The following FRMPD2 variants were observed in gnomAD, a reference collection of about 807,000 sequenced individuals.
FRMPD2 encodes the protein FERM and PDZ domain-containing protein 2.
Under a neutral mutation model 140.1 loss-of-function variants are expected in FRMPD2, and 96 were observed. The observed-to-expected ratio is 0.69, with a 90% CI of 0.58 to 0.81. The LOEUF (loss-of-function observed/expected upper bound fraction) is 0.81. Among genes scored for constraint, FRMPD2 ranks in the 40% least tolerant of loss-of-function variants. The pLI, the probability that FRMPD2 is intolerant of heterozygous loss-of-function variation, is 0.00. For missense variants in FRMPD2, 1,240 were observed against 1,447.4 expected (o/e 0.86, Z 2.32); for synonymous variants, 449 against 547.6 (o/e 0.82, Z 2.52).
At chr10:48,273,623 T>A (rs61840510) in intron 1 of FRMPD2, among the ~76,000 whole-genome samples, 4,912 of 152,154 alleles carry the variant, frequency 0.032, 92 homozygotes, top group Non-Finnish European at 0.041. Flanking sequence ...CCGTGCCACC[T>A]CCATTTCGGC....
chr10:48,199,363 T>C (rs1839028538), intron 15 of FRMPD2, among the ~76,000 whole-genome samples: 1 of 152,100 alleles, frequency 6.6e-6, no homozygotes, highest in Non-Finnish European at 1.5e-5. Context: ...TTTTTGAATT[T>C]AGAAGCACAG....
At chr10:48,173,766 A>G (rs1351078155) in intron 24 of FRMPD2, among the ~76,000 whole-genome samples, 1 of 151,842 alleles carries the variant, frequency 6.6e-6, no homozygotes, top group Non-Finnish European at 1.5e-5. Context: ...GATTTCCCAC[A>G]TTTCTCCCCA....
At chr10:48,220,443 T>G (rs568901772) in intron 12 of FRMPD2, among the ~76,000 whole-genome samples, 3 of 152,302 alleles carry the variant, frequency 2.0e-5, no homozygotes, top group Admixed American at 2.0e-4. Context: ...CAACTCAAGA[T>G]GGATCAAAGA....
At chr10:48,233,387 G>A (rs1276738346) in intron 9 of FRMPD2, among the ~76,000 whole-genome samples, 1 of 152,208 alleles carries the variant, frequency 6.6e-6, no homozygotes, top group Non-Finnish European at 1.5e-5. Flanking sequence ...TCCCAAGATG[G>A]TTCTGTCAGT....
rs750421128 is a variant in FRMPD2 at position 48,187,289 on chromosome 10, G to C, written c.2169C>G (p.Pro723=). The change falls in exon 17 of 29, where the codon CCC becomes CCG. Residue 723 remains proline, a synonymous_variant. Transcript: ENST00000374201. ...TCTTCAGCTGCTCCCGGCCAGTGCA[G>C]GGGCTGCCGGGAAAAGAAAATGAGG... The part of the protein sequence containing the change: ...EAGAEGIGRS[P]CTGREQLKSA... 2.5e-6 allele frequency: 4 copies of C among 1,613,834 alleles called. No homozygotes were observed. The highest frequency in any genetic ancestry group is 1.6e-4 in the Middle Eastern group (1 of 6,062).
At chr10:48,218,394 TA>T (rs1839502746) in intron 12 of FRMPD2, among the ~76,000 whole-genome samples, 1 of 152,174 alleles carries the variant, frequency 6.6e-6, no homozygotes, top group Non-Finnish European at 1.5e-5. Flanking sequence ...CTCTGACCAC[TA>T]AGTGCCCACT....
chr10:48,202,635 G>A (rs887312037), intron 14 of FRMPD2, among the ~76,000 whole-genome samples: 11 of 152,150 alleles, frequency 7.2e-5, no homozygotes, highest in South Asian at 6.2e-4. Context: ...TCCGCCAGTC[G>A]TAATAATTCT....
chr10:48,253,488 C>T (rs1196660567), intron 1 of FRMPD2, among the ~76,000 whole-genome samples: 1 of 152,078 alleles, frequency 6.6e-6, no homozygotes, highest in African/African-American at 2.4e-5. Flanking sequence ...GCCACACCAG[C>T]CTCAAACACT....
intron 14 of FRMPD2, among the ~76,000 whole-genome samples, chr10:48,201,806 C>T (rs1398446804): frequency 6.6e-6 from 1 of 152,060 alleles, no homozygotes; most frequent in Non-Finnish European, 1.5e-5. Flanking sequence ...ATAAAAACAC[C>T]TGTGTGTTAT....
chr10:48,193,405 C>T (rs1490320008), intron 15 of FRMPD2, among the ~76,000 whole-genome samples: 1 of 152,188 alleles, frequency 6.6e-6, no homozygotes, highest in Admixed American at 6.5e-5. Context: ...AATACAAGGT[C>T]CTATTTCCTG....
At chr10:48,164,785 C>T (rs1238584120) in intron 27 of FRMPD2, among the ~76,000 whole-genome samples, 3 of 129,052 alleles carry the variant, frequency 2.3e-5, no homozygotes, top group African/African-American at 9.2e-5. Flanking sequence ...CCTATCCTCT[C>T]CTTCTAGCTC....
intron 9 of FRMPD2, among the ~76,000 whole-genome samples, chr10:48,232,647 A>G (rs1292672457): frequency 6.6e-6 from 1 of 152,154 alleles, no homozygotes; most frequent in African/African-American, 2.4e-5. Context: ...CAGGGCCCTC[A>G]TCAATGAATC....
rs532256275 is a variant in FRMPD2, at chr10:48,249,063, C to T, written c.267G>A (p.Leu89=). The change falls in exon 3 of 29, where the codon CTG becomes CTA. Residue 89 remains leucine, a synonymous_variant. Transcript: ENST00000374201. ...IEAAPFKAPE[L]LQGQSEDEQP... ...GCTCATCCTCACTCTGTCCCTGTAG[C>T]AGTTCAGGGGCCTTGAAAGGAGCAG... 6.2e-7 allele frequency: 1 copy of T among 1,613,694 alleles called. No individual in the cohort carries two copies. The highest frequency in any genetic ancestry group is 2.2e-5 in the East Asian group (1 of 44,876).
intron 15 of FRMPD2, 46 bp from the exon 16 acceptor site, chr10:48,192,940 A>T: frequency 7.1e-7 from 1 of 1,407,138 alleles, no homozygotes; most frequent in Non-Finnish European, 1.0e-6. Context: ...CACAAGAATG[A>T]TGCTGGATCC....
At chr10:48,243,516 C>T (rs562761445) in intron 4 of FRMPD2, among the ~76,000 whole-genome samples, 1 of 152,184 alleles carries the variant, frequency 6.6e-6, no homozygotes, top group Non-Finnish European at 1.5e-5. Context: ...GAGCATTAAA[C>T]TAAGTGCAGG....
At chr10:48,261,158 C>A (rs1165957289) in intron 1 of FRMPD2, among the ~76,000 whole-genome samples, 3 of 151,878 alleles carry the variant, frequency 2.0e-5, no homozygotes, top group African/African-American at 4.8e-5. Context: ...AACTGTGGAA[C>A]AATTTCAAAA....
chr10:48,203,037 T>C (rs866608728), intron 14 of FRMPD2, among the ~76,000 whole-genome samples: 4 of 152,160 alleles, frequency 2.6e-5, no homozygotes, highest in Non-Finnish European at 5.9e-5. Flanking sequence ...TGGAGTTAAG[T>C]GATCCTCCTC....
At chr10:48,223,767 G>A (rs2131907128) in intron 10 of FRMPD2, among the ~76,000 whole-genome samples, 1 of 152,308 alleles carries the variant, frequency 6.6e-6, no homozygotes, top group Non-Finnish European at 1.5e-5. Flanking sequence ...GTGTTTAGGA[G>A]GTAACTATGT....
In FRMPD2 at chr10:48,242,336, T is replaced by C; in HGVS notation, c.392A>G (p.Glu131Gly). 6.2e-7 allele frequency: 1 copy of C among 1,613,236 alleles called. No individual in the cohort carries two copies. Among genetic ancestry groups the C allele is most frequent in the Non-Finnish European group, 8.5e-7 (1 of 1,179,494 alleles). The change falls in exon 5 of 29, where the codon GAG (glutamate) becomes GGG (glycine). Residue 131 changes from glutamate to glycine, a missense_variant. Coordinates refer to ENST00000374201, the MANE Select transcript of FRMPD2 (RefSeq NM_001018071.4). Reference protein sequence around the residue: ...VPPHQPLQLCEPLHSILLTMC... With the variant: ...VPPHQPLQLCGPLHSILLTMC... ...GGTCAGCAGGATGGAGTGCAGGGGC[T>C]CGCAGAGCTGCAGGGGCTGGAGGCA...
Sources: gnomAD v4.1 joint callset for allele counts (sites outside exome capture counted in the v4.1 genomes callset) on GRCh38, gnomAD v4.1.1 for gene constraint, MANE v1.5 for transcripts, NCBI Gene and HGNC (gene_info 2026-07-23, HGNC 2026-07-21) for gene names.